Variants in CADPS2 observed in about 807,000 individuals in gnomAD.
CADPS2 encodes calcium-dependent secretion activator 2.
In CADPS2, 93 loss-of-function variants were observed where a neutral mutation model predicts 172.5. That is an observed-to-expected ratio of 0.54 (90% CI 0.46 to 0.64). The LOEUF is 0.64. CADPS2 is among the 30% of genes least tolerant of loss of function. The pLI, the probability that CADPS2 is intolerant of heterozygous loss-of-function variation, is 0.00. For missense variants in CADPS2, 1,420 were observed against 1,565.9 expected (o/e 0.91, Z 1.57); for synonymous variants, 546 against 555.2 (o/e 0.98, Z 0.23).
At chr7:122,749,457 C>G (rs2092856685) in intron 1 of CADPS2, among the ~76,000 whole-genome samples, 1 of 152,124 alleles carries the variant, frequency 6.6e-6, no homozygotes, top group Admixed American at 6.6e-5. Flanking sequence ...ACATAAAAGA[C>G]TGAGACTACC....
At chr7:122,818,291 G>A (rs1802110868) in intron 1 of CADPS2, among the ~76,000 whole-genome samples, 1 of 152,028 alleles carries the variant, frequency 6.6e-6, no homozygotes, top group South Asian at 2.1e-4. Context: ...CTTCTGCAAT[G>A]CCACTTGACC....
intron 6 of CADPS2, among the ~76,000 whole-genome samples, chr7:122,614,850 T>C (rs900120527): frequency 2.6e-5 from 4 of 152,174 alleles, no homozygotes; most frequent in Non-Finnish European, 4.4e-5. Flanking sequence ...AGAACTGAAA[T>C]AGGATTATGT....
At chr7:122,626,634 T>A (rs2076117815) in intron 4 of CADPS2, among the ~76,000 whole-genome samples, 1 of 152,174 alleles carries the variant, frequency 6.6e-6, no homozygotes, top group Admixed American at 6.5e-5. Context: ...GTTTACTCCT[T>A]ATTGTGGGGC....
intron 25 of CADPS2, among the ~76,000 whole-genome samples, chr7:122,370,060 T>C (rs192355661): frequency 1.3e-5 from 2 of 152,318 alleles, no homozygotes; most frequent in African/African-American, 4.8e-5. Context: ...TTCTCTTACT[T>C]AAATGGTCCT....
Position 122,671,587 on chromosome 7 carries a change from C to A in CADPS2, c.454-8018G>T, listed in dbSNP as rs968592593. Among the ~76,000 whole-genome samples the A allele has an allele frequency of 9.9e-5, 15 of 151,968 alleles. 1 individual carries two copies. The highest frequency in any genetic ancestry group is 9.2e-4 in the Admixed American group (14 of 15,254). On this transcript the variant is annotated intron_variant, in intron 2 of 29. Coordinates refer to ENST00000449022, the MANE Select transcript of CADPS2 (RefSeq NM_017954.11). Reference sequence around the variant, plus strand: ...CTTAAAAAAAAAACTACTACTACTACTAAAAATAATGTTGCAGAGGAAAGA... The same window carrying A: ...CTTAAAAAAAAAACTACTACTACTAATAAAAATAATGTTGCAGAGGAAAGA...
chr7:122,392,764 A>AATATTATATTATATT (rs1174552888), intron 22 of CADPS2, among the ~76,000 whole-genome samples: 5 of 152,176 alleles, frequency 3.3e-5, no homozygotes, highest in African/African-American at 1.2e-4. Flanking sequence ...AAAATAGAAA[A>AATATTATATTATATT]ATATTATATT....
chr7:122,832,157 AACAT>A (rs1806750112), intron 1 of CADPS2, among the ~76,000 whole-genome samples: 1 of 152,222 alleles, frequency 6.6e-6, no homozygotes, highest in Non-Finnish European at 1.5e-5. Context: ...ATGGTGAACA[AACAT>A]TTAAATAAAT....
intron 24 of CADPS2, among the ~76,000 whole-genome samples, chr7:122,381,686 C>G (rs1490509018): frequency 6.6e-6 from 1 of 152,016 alleles, no homozygotes; most frequent in Non-Finnish European, 1.5e-5. Context: ...ATAATACACT[C>G]CCGTAGATTG....
At chr7:122,717,886 T>C (rs894360985) in intron 2 of CADPS2, among the ~76,000 whole-genome samples, 6 of 151,890 alleles carry the variant, frequency 4.0e-5, no homozygotes, top group African/African-American at 1.5e-4. Flanking sequence ...CATAGGTCAC[T>C]GCAGCCTTAA....
At chr7:122,472,062 C>T (rs899737192) in intron 13 of CADPS2, among the ~76,000 whole-genome samples, 14 of 152,226 alleles carry the variant, frequency 9.2e-5, no homozygotes, top group African/African-American at 3.1e-4. Context: ...TTCCTATGAA[C>T]AATATAACAG....
intron 25 of CADPS2, among the ~76,000 whole-genome samples, chr7:122,375,470 G>C (rs949860743): frequency 1.3e-5 from 2 of 152,064 alleles, no homozygotes; most frequent in Admixed American, 6.6e-5. Context: ...TTTGACAAGA[G>C]TGTCAAGAGA....
At chr7:122,578,321 C>T (rs914753836) in intron 7 of CADPS2, among the ~76,000 whole-genome samples, 2 of 151,948 alleles carry the variant, frequency 1.3e-5, no homozygotes, top group Middle Eastern at 3.2e-3. Flanking sequence ...CAGATTAAAA[C>T]ACATGTAACA....
At chr7:122,369,333 G>A (rs1432835614) in intron 25 of CADPS2, among the ~76,000 whole-genome samples, 2 of 151,752 alleles carry the variant, frequency 1.3e-5, no homozygotes, top group Admixed American at 6.6e-5. Flanking sequence ...GGGTTTCAGC[G>A]TGTTAGCCAG....
chr7:122,469,817 G>T (rs2152142251), intron 14 of CADPS2, among the ~76,000 whole-genome samples: 1 of 143,716 alleles, frequency 7.0e-6, no homozygotes, highest in Middle Eastern at 3.7e-3. Context: ...AGAAGCAGGT[G>T]TGTGTCTGTG....
Position 122,886,234 on chromosome 7 carries a change from G to A in CADPS2, c.104C>T (p.Ala35Val), listed in dbSNP as rs1824350446. Residue 35 changes from alanine (A) to valine (V), a missense_variant, in exon 1 of 30, where the codon GCC becomes GTC. Ala to Val is a moderately conservative substitution (Grantham distance 64). Transcript: ENST00000449022. Reference sequence around the variant, plus strand: ...GTCCCGCCGCCCTTCCCGAGTCGGGGCTGGAGGAGCTCGCTGCGAGCTGCC... The same window carrying A: ...GTCCCGCCGCCCTTCCCGAGTCGGGACTGGAGGAGCTCGCTGCGAGCTGCC... ...AAGSSQRAPP[A>V]PTREGRRDAP... 7.3e-6 allele frequency: 11 copies of A among 1,497,568 alleles called. No homozygotes were observed. Among genetic ancestry groups the A allele is most frequent in the Non-Finnish European group, 8.8e-6 (10 of 1,130,556 alleles). The allele number at this position is 1,497,568 out of a possible 1,614,324, so 92.8% of individuals were successfully genotyped here.
rs531701753 is a variant in CADPS2 at position 122,356,525 on chromosome 7, G to A, written c.3504+4263C>T. ...CCTTTGCTTATTGTACTCTTCGGAAGGAAGTTACTATGTACATCCCACACT... is the reference window on the plus strand; with the variant it reads ...CCTTTGCTTATTGTACTCTTCGGAAAGAAGTTACTATGTACATCCCACACT... On this transcript the variant is annotated intron_variant, in intron 27 of 29. Coordinates refer to ENST00000449022, the MANE Select transcript of CADPS2 (RefSeq NM_017954.11). Among the ~76,000 whole-genome samples, 7 of 152,228 alleles carry A rather than the reference G, an allele frequency of 4.6e-5. No homozygotes were observed. The South Asian group carries it at 6.2e-4, about 14-fold the overall frequency.
chr7:122,545,228 T>C (rs1451270852), intron 8 of CADPS2, among the ~76,000 whole-genome samples: 1 of 151,860 alleles, frequency 6.6e-6, no homozygotes, highest in Non-Finnish European at 1.5e-5. Flanking sequence ...ATCAAGGGAG[T>C]GGGGACAAGA....
chr7:122,705,024 C>T (rs1165253994), intron 2 of CADPS2, among the ~76,000 whole-genome samples: 1 of 151,992 alleles, frequency 6.6e-6, no homozygotes, highest in East Asian at 1.9e-4. Context: ...AAAACTCTCC[C>T]AACCCCGATG....
intron 1 of CADPS2, among the ~76,000 whole-genome samples, chr7:122,757,448 AG>A (rs1030890255): frequency 9.9e-5 from 15 of 152,100 alleles, no homozygotes; most frequent in Non-Finnish European, 1.5e-4. Flanking sequence ...GTGACCAGCC[AG>A]GAATGTTTTT....
Sources: allele counts gnomAD v4.1 joint callset (sites outside exome capture counted in the v4.1 genomes callset), GRCh38; gene constraint gnomAD v4.1.1; transcripts MANE v1.5; gene names NCBI Gene and HGNC (gene_info 2026-07-23, HGNC 2026-07-21).